The following EVC2 variants were observed in gnomAD, a reference collection of about 807,000 sequenced individuals.
EVC2 encodes EvC ciliary complex subunit 2.
In EVC2, 148 loss-of-function variants were observed where a neutral mutation model predicts 149.3. The ratio of observed to expected loss-of-function variants is 0.99; its 90% CI spans 0.87 to 1.14. EVC2 has a LOEUF of 1.14. Ranked by LOEUF, EVC2 falls within the 50% of genes most tolerant of loss-of-function variation. EVC2 has a pLI of 0.00. For missense variants in EVC2, 1,854 were observed against 1,627.3 expected, an observed-to-expected ratio of 1.14 and a Z score of -2.40; for synonymous variants, 776 against 649.9, an observed-to-expected ratio of 1.19 and a Z score of -2.95.
intron 21 of EVC2, among the ~76,000 whole-genome samples, chr4:5,550,497 C>G (rs1367623137): frequency 6.6e-6 from 1 of 152,168 alleles, no homozygotes; most frequent in African/African-American, 2.4e-5. Context: ...GAAGAAATTT[C>G]TAGCAGCAAA....
rs1717277779 is a variant in EVC2, at chr4:5,640,818, T to C, written c.1166A>G (p.Asn389Ser). The change falls in exon 10 of 22, where the codon AAT becomes AGT. Residue 389 changes from asparagine (N) to serine (S), a missense_variant. Transcript: ENST00000344408. The surrounding 1 kb of genome is among the most constrained non-coding windows in gnomAD (Gnocchi z 4.6). ...AGCCTCCAGATCTGCATCTGCCCGATTCAGGGTTGCAATCTCCAACCTAGG... is the reference window on the plus strand; with the variant it reads ...AGCCTCCAGATCTGCATCTGCCCGACTCAGGGTTGCAATCTCCAACCTAGG... ...ALEELEIATL[N>S]RADADLEACR... The C allele has an allele frequency of 6.2e-7, 1 of 1,614,094 alleles. No individual in the cohort carries two copies. Among genetic ancestry groups the C allele is most frequent in the Non-Finnish European group, 8.5e-7 (1 of 1,180,044 alleles).
intron 8 of EVC2, among the ~76,000 whole-genome samples, chr4:5,664,187 C>A (rs978833045): frequency 2.6e-5 from 4 of 152,190 alleles, no homozygotes; most frequent in Non-Finnish European, 5.9e-5. Context: ...AAAACTGAGG[C>A]TCACAGAAGT....
intron 16 of EVC2, among the ~76,000 whole-genome samples, chr4:5,597,400 A>G (rs967755023): frequency 9.5e-4 from 145 of 152,182 alleles, no homozygotes; most frequent in Non-Finnish European, 8.8e-4. Flanking sequence ...CTGGGATGGA[A>G]GGCTGGTTCA....
downstream of EVC2, among the ~76,000 whole-genome samples, chr4:5,562,206 T>C (rs921001387): frequency 1.3e-5 from 2 of 152,180 alleles, no homozygotes; most frequent in African/African-American, 4.8e-5. This position sits in a 1 kb window ranked among gnomAD's most constrained non-coding sequence, Gnocchi z 4.3. Context: ...TTTATGATCT[T>C]GTAAAAATCA....
chr4:5,685,438 C>A lies in EVC2; in HGVS notation c.748G>T (p.Ala250Ser). ...CTCTCCCCGTTCCCGAGGTCTCCAGCCTGGAGCGTGGCTGCGTAGCTGACA... is the reference window on the plus strand; with the variant it reads ...CTCTCCCCGTTCCCGAGGTCTCCAGACTGGAGCGTGGCTGCGTAGCTGACA... ...FAVSYAATLQ[A>S]GDLGNGESLK... The change falls in exon 6 of 22, where the codon GCT becomes TCT. Residue 250 changes from alanine (A) to serine (S), a missense_variant. Coordinates refer to ENST00000344408, the MANE Select transcript of EVC2 (RefSeq NM_147127.5). 1 of 1,614,218 alleles carries A rather than the reference C, an allele frequency of 6.2e-7. No individual in the cohort carries two copies. Among genetic ancestry groups the A allele is most frequent in the South Asian group, 1.1e-5 (1 of 91,088 alleles).
At chr4:5,546,038 G>A (rs2108757008) in intron 21 of EVC2, among the ~76,000 whole-genome samples, 1 of 152,276 alleles carries the variant, frequency 6.6e-6, no homozygotes, top group African/African-American at 2.4e-5. Context: ...CAGTTAGAAT[G>A]GCAATCATTA....
chr4:5,641,132 T>C (rs992736833), intron 9 of EVC2, among the ~76,000 whole-genome samples: 1 of 152,118 alleles, frequency 6.6e-6, no homozygotes, highest in Non-Finnish European at 1.5e-5. Context: ...AAGGGAAAAA[T>C]GGATAGCTAA....
At chr4:5,620,797 T>C (rs1431751317) in intron 14 of EVC2, among the ~76,000 whole-genome samples, 1 of 152,108 alleles carries the variant, frequency 6.6e-6, no homozygotes, top group African/African-American at 2.4e-5. Flanking sequence ...CCAAACGAAG[T>C]TGAAGAAAAT....
At chr4:5,697,738 G>T (rs962945012) in intron 1 of EVC2, 91 bp from the exon 2 acceptor site, 2 of 1,179,176 alleles carry the variant, frequency 1.7e-6, no homozygotes, top group Non-Finnish European at 2.5e-6. Flanking sequence ...ACATGGAGAG[G>T]ACATGCACTT....
chr4:5,681,896 C>A lies in EVC2; in HGVS notation c.817-583G>T, dbSNP rs1174044150. Among the ~76,000 whole-genome samples the A allele has an allele frequency of 2.0e-5, 3 of 152,264 alleles. No individual in the cohort carries two copies. In the East Asian group the frequency reaches 5.8e-4, roughly 29 times the overall value. On this transcript the variant is annotated intron_variant, in intron 6 of 21. Coordinates refer to ENST00000344408, the MANE Select transcript of EVC2 (RefSeq NM_147127.5). ...ACATACTTCTTCCTGGGGGTAAAGG[C>A]AGAATAGCTTGCCACTGACAGGCTG... is the stretch of plus-strand genomic sequence containing the variant.
At chr4:5,676,752 T>TTC (rs138939043) in intron 7 of EVC2, among the ~76,000 whole-genome samples, 16 of 151,770 alleles carry the variant, frequency 1.1e-4, no homozygotes, top group African/African-American at 3.6e-4. Context: ...GCCCATGGAG[T>TTC]TCTCTCTCTC....
intron 7 of EVC2, among the ~76,000 whole-genome samples, chr4:5,675,060 T>C (rs1719902956): frequency 6.6e-6 from 1 of 152,218 alleles, no homozygotes; most frequent in Non-Finnish European, 1.5e-5. Flanking sequence ...GGGCACCTCC[T>C]AAGCCTCGTC....
intron 9 of EVC2, among the ~76,000 whole-genome samples, chr4:5,662,337 C>G (rs1718933758): frequency 1.3e-5 from 2 of 151,484 alleles, no homozygotes; most frequent in African/African-American, 4.9e-5. Flanking sequence ...ACAACAAACC[C>G]CCTGTGACAC....
intron 21 of EVC2, among the ~76,000 whole-genome samples, chr4:5,552,654 CCA>C (rs746731281): frequency 2.0e-5 from 3 of 152,170 alleles, no homozygotes; most frequent in Non-Finnish European, 4.4e-5. Context: ...TGAAGCACAA[CCA>C]CAGTTGCCTT....
chr4:5,629,721 G>A (rs1716389345), intron 11 of EVC2, among the ~76,000 whole-genome samples: 1 of 152,214 alleles, frequency 6.6e-6, no homozygotes, highest in Non-Finnish European at 1.5e-5. Context: ...AGTCAGGTGT[G>A]GCTTCACACA....
chr4:5,694,268 T>A, intron 3 of EVC2, 67 bp downstream of exon 3: 2 of 1,557,886 alleles, frequency 1.3e-6, no homozygotes, highest in Non-Finnish European at 1.8e-6. Context: ...CCATTTTATA[T>A]ACAGGCCATA....
intron 1 of EVC2, among the ~76,000 whole-genome samples, chr4:5,705,815 CT>C (rs1169578570): frequency 6.6e-6 from 1 of 152,082 alleles, no homozygotes; most frequent in Non-Finnish European, 1.5e-5. Context: ...CCATGGACCC[CT>C]ATAATGGTTC....
rs1353712304 is a variant in EVC2, at chr4:5,636,239, C to T, written c.1471-4207G>A. 6.6e-6 allele frequency among the ~76,000 whole-genome samples: 1 copy of T among 152,172 alleles called. No individual in the cohort carries two copies. The highest frequency in any genetic ancestry group is 1.5e-5 in the Non-Finnish European group (1 of 68,034). On this transcript the variant is annotated intron_variant, in intron 10 of 21. Coordinates refer to ENST00000344408, the MANE Select transcript of EVC2 (RefSeq NM_147127.5). The surrounding 1 kb of genome is among the most constrained non-coding windows in gnomAD (Gnocchi z 4.6). ...CCTTCTGTGCCTATATCCCCCAATA[C>T]TCTCCCCAAGGTTTCTCAATGGAGA...
At chr4:5,632,192 G>T (rs935561070) in intron 10 of EVC2, among the ~76,000 whole-genome samples, 160 bp from the exon 11 acceptor site, 4 of 152,214 alleles carry the variant, frequency 2.6e-5, no homozygotes, top group Non-Finnish European at 4.4e-5. Flanking sequence ...ACATGCGCAT[G>T]CAGTGTGTGC....
Sources: allele counts gnomAD v4.1 joint callset (sites outside exome capture counted in the v4.1 genomes callset), GRCh38; gene constraint gnomAD v4.1.1; non-coding constraint Gnocchi (gnomAD v3.1); transcripts MANE v1.5; gene names NCBI Gene and HGNC (gene_info 2026-07-23, HGNC 2026-07-21).